The following MAGT1 variants were observed in gnomAD, a reference collection of about 807,000 sequenced individuals.
The protein encoded by MAGT1 is dolichyl-diphosphooligosaccharide--protein glycosyltransferase subunit MAGT1.
A neutral mutation model predicts 28.4 loss-of-function variants in MAGT1; 4 were observed. The observed-to-expected ratio is 0.14, with a 90% CI of 0.07 to 0.32. MAGT1 has a LOEUF of 0.32. Ranked by LOEUF, MAGT1 falls within the 10% of genes least tolerant of loss-of-function variation. The pLI, the probability that MAGT1 is intolerant of heterozygous loss-of-function variation, is 1.00. For missense variants in MAGT1, 193 were observed against 264.5 expected, an observed-to-expected ratio of 0.73 and a Z score of 1.88; for synonymous variants, 89 against 89.7, an observed-to-expected ratio of 0.99 and a Z score of 0.04.
intron 1 of MAGT1, among the ~76,000 whole-genome samples, chrX:77,880,333 G>T (rs939454584): frequency 7.5e-5 from 8 of 106,499 alleles, no homozygotes; most frequent in Non-Finnish European, 1.5e-4. Context: ...TTCAAGACCA[G>T]CCTGGCCAAC....
At chrX:77,830,991 T>C (rs2076896936) in intron 8 of MAGT1, 96 bp from the exon 9 acceptor site, 2 of 84,704 alleles carry the variant, frequency 2.4e-5, no homozygotes, top group Admixed American at 2.8e-4. Flanking sequence ...TTTTATTTTA[T>C]TTTATTTTAT....
rs782216482 is a variant in MAGT1 at position 77,869,984 on chromosome X, G to A, written c.390+824C>T. Among the ~76,000 whole-genome samples, 67 of 112,114 alleles carry A rather than the reference G, an allele frequency of 6.0e-4. 1 individual carries two copies. The highest frequency in any genetic ancestry group is 1.1e-3 in the South Asian group (3 of 2,737). ...TAGCAGCACAATTCACAATTGCAAA[G>A]ATATGGAACCAACCTAAGTGTCCAT... On this transcript the variant is annotated intron_variant, in intron 3 of 9. Coordinates refer to ENST00000618282, the MANE Select transcript of MAGT1 (RefSeq NM_001367916.1).
chrX:77,867,342 A>G (rs1478286594), intron 3 of MAGT1, among the ~76,000 whole-genome samples: 1 of 66,468 alleles, frequency 1.5e-5, no homozygotes, highest in African/African-American at 3.5e-5. Flanking sequence ...TTTTCTTAAG[A>G]GTTGGGGTCT....
Position 77,870,871 on chromosome X carries a change from T to G in MAGT1, c.327A>C (p.Ala109=). The change falls in exon 3 of 10, where the codon GCA becomes GCC. Residue 109 remains alanine, a synonymous_variant. Coordinates refer to ENST00000618282, the MANE Select transcript of MAGT1 (RefSeq NM_001367916.1). ...TGGCAAAAAATATCCTGTTGGTGAA[T>G]GCACTGGAGTATCGCCAGGAGTTTG... ...ILANSWRYSS[A]FTNRIFFAMV... 1 of 1,211,042 alleles carries G rather than the reference T, an allele frequency of 8.3e-7. No homozygotes were observed. The highest frequency in any genetic ancestry group is 1.1e-6 in the Non-Finnish European group (1 of 894,668).
At chrX:77,839,786 C>T (rs1428073388) in intron 8 of MAGT1, among the ~76,000 whole-genome samples, 1 of 109,579 alleles carries the variant, frequency 9.1e-6, no homozygotes, top group Non-Finnish European at 1.9e-5. Context: ...GGATTACAGG[C>T]GTGAGCCACC....
chrX:77,865,241 C>T (rs782403339), intron 3 of MAGT1, among the ~76,000 whole-genome samples: 29 of 111,773 alleles, frequency 2.6e-4, no homozygotes, highest in Non-Finnish European at 5.3e-4. Flanking sequence ...CTGATAGCTA[C>T]AGGATATGGC....
At chrX:77,877,449 C>T (rs1196873585) in intron 1 of MAGT1, among the ~76,000 whole-genome samples, 1 of 110,004 alleles carries the variant, frequency 9.1e-6, no homozygotes, top group East Asian at 2.8e-4. Flanking sequence ...CAAGATCATA[C>T]CACTGCACTC....
rs1203421398 is a variant in MAGT1, at chrX:77,856,878, T to C, written c.532-5A>G. On this transcript the variant is annotated splice_region_variant and splice_polypyrimidine_tract_variant and intron_variant, in intron 4 of 9. Coordinates refer to ENST00000618282, the MANE Select transcript of MAGT1 (RefSeq NM_001367916.1). ...TGGGGGTCTAATCACTCTAATCTAATGGAAAGGAGAGAAAAACATGTTAAA... is the reference window on the plus strand; with the variant it reads ...TGGGGGTCTAATCACTCTAATCTAACGGAAAGGAGAGAAAAACATGTTAAA... 14 of 1,194,034 alleles carry C rather than the reference T, an allele frequency of 1.2e-5. No homozygotes were observed. The highest frequency in any genetic ancestry group is 1.5e-5 in the Non-Finnish European group (13 of 884,343).
chrX:77,872,322 T>G (rs915749347), intron 2 of MAGT1, among the ~76,000 whole-genome samples: 1 of 111,461 alleles, frequency 9.0e-6, no homozygotes, highest in Non-Finnish European at 1.9e-5. Context: ...GGATTACAGG[T>G]GTGAGCCACC....
intron 7 of MAGT1, among the ~76,000 whole-genome samples, chrX:77,844,250 T>C (rs2076943767): frequency 8.9e-6 from 1 of 112,100 alleles, no homozygotes; most frequent in African/African-American, 3.2e-5. Context: ...GTGTTTATAG[T>C]GTTCTCTGAT....
chrX:77,833,557 T>C (rs1256430001), intron 8 of MAGT1, among the ~76,000 whole-genome samples: 2 of 111,581 alleles, frequency 1.8e-5, no homozygotes, highest in South Asian at 3.7e-4. Flanking sequence ...TCAGGGCAAA[T>C]GGGAAAAGGG....
At chrX:77,894,599 G>A (rs2077093415) in intron 1 of MAGT1, among the ~76,000 whole-genome samples, 1 of 111,930 alleles carries the variant, frequency 8.9e-6, no homozygotes, top group Non-Finnish European at 1.9e-5. Context: ...AGTCCTAAGA[G>A]TATAGGACTC....
At chrX:77,870,968 T>A (rs1557217290) in intron 2 of MAGT1, 43 bp from the exon 3 acceptor site, 1 of 969,820 alleles carries the variant, frequency 1.0e-6, no homozygotes, top group Admixed American at 2.2e-5. Flanking sequence ...TAAAACAATT[T>A]TTGAAAGCAA....
At chrX:77,855,881 CT>C (rs1295053486) in intron 5 of MAGT1, among the ~76,000 whole-genome samples, 31 of 109,302 alleles carry the variant, frequency 2.8e-4, no homozygotes, top group African/African-American at 1.0e-3. Flanking sequence ...AGCAATTCTC[CT>C]GCCTCAGCTT....
chrX:77,881,599 A>C (rs1171734325), intron 1 of MAGT1, among the ~76,000 whole-genome samples: 1 of 110,358 alleles, frequency 9.1e-6, no homozygotes, highest in Non-Finnish European at 1.9e-5. Context: ...TGAACTCATC[A>C]TTTTTTATGG....
At chrX:77,893,979 C>A (rs901422607) in intron 1 of MAGT1, among the ~76,000 whole-genome samples, 1 of 111,355 alleles carries the variant, frequency 9.0e-6, no homozygotes, top group Non-Finnish European at 1.9e-5. Context: ...AACGTGAAAA[C>A]GTTCCCCTCA....
rs1557216109 is a variant in MAGT1, at chrX:77,857,483, T to C, written c.405A>G (p.Ser135=). 1 of 1,210,008 alleles carries C rather than the reference T, an allele frequency of 8.3e-7. No homozygotes were observed. Among genetic ancestry groups the C allele is most frequent in the African/African-American group, 1.7e-5 (1 of 57,353 alleles). Residue 135 remains serine (S), a synonymous_variant, in exon 4 of 10, where the codon TCA becomes TCG. Coordinates refer to ENST00000618282, the MANE Select transcript of MAGT1 (RefSeq NM_001367916.1). ...SDVFQMLNMN[S]APTFINFPAK... ...CAGGAAAGTTGATGAAAGTTGGAGCTGAATTCATGTTTAGCTGAATAAAAA... is the reference window on the plus strand; with the variant it reads ...CAGGAAAGTTGATGAAAGTTGGAGCCGAATTCATGTTTAGCTGAATAAAAA...
intron 8 of MAGT1, among the ~76,000 whole-genome samples, chrX:77,832,319 T>C (rs1398959965): frequency 9.1e-6 from 1 of 110,433 alleles, no homozygotes; most frequent in African/African-American, 3.3e-5. Flanking sequence ...GGGTGTCCAA[T>C]CTTTTGGCTT....
At chrX:77,849,487 G>A (rs1487523445) in intron 7 of MAGT1, among the ~76,000 whole-genome samples, 3 of 111,277 alleles carry the variant, frequency 2.7e-5, no homozygotes, top group African/African-American at 9.8e-5. Flanking sequence ...CAATCAGGAG[G>A]AATGATGATG....
Sources: gnomAD v4.1 joint callset for allele counts (sites outside exome capture counted in the v4.1 genomes callset) on GRCh38, gnomAD v4.1.1 for gene constraint, MANE v1.5 for transcripts, NCBI Gene and HGNC (gene_info 2026-07-23, HGNC 2026-07-21) for gene names.